The following PTPRC variants were observed in gnomAD, a reference collection of about 807,000 sequenced individuals.
PTPRC encodes the protein receptor-type tyrosine-protein phosphatase C.
PTPRC carries 44 observed loss-of-function variants against 155.9 expected under a neutral mutation model. That is an observed-to-expected ratio of 0.28 (90% CI 0.22 to 0.36). The LOEUF is 0.36. PTPRC is among the 10% of genes least tolerant of loss of function. The pLI is 1.00. For missense variants in PTPRC, 1,401 were observed against 1,564.6 expected (o/e 0.90, Z 1.76); for synonymous variants, 525 against 533.1 (o/e 0.98, Z 0.21).
chr1:198,749,297 A>T (rs368745701), intron 27 of PTPRC, 119 bp from the exon 28 acceptor site: 3 of 978,814 alleles, frequency 3.1e-6, no homozygotes, highest in East Asian at 5.2e-5. Context: ...TTTCATGTAG[A>T]TCAGTAAGTT....
At chr1:198,695,162 T>A (rs1240222573) in intron 3 of PTPRC, 3 of 888,526 alleles carry the variant, frequency 3.4e-6, no homozygotes, top group Non-Finnish European at 4.0e-6. Context: ...AAAGCTGGGT[T>A]TTTTATTTAT....
chr1:198,723,112 C>CATACAT (rs1653970839), intron 15 of PTPRC, among the ~76,000 whole-genome samples: 1 of 144,094 alleles, frequency 6.9e-6, no homozygotes, highest in African/African-American at 2.5e-5. Flanking sequence ...TAGTTTCCTT[C>CATACAT]ATATATATAT....
At chr1:198,658,129 C>T (rs908871938) in intron 2 of PTPRC, among the ~76,000 whole-genome samples, 3 of 152,132 alleles carry the variant, frequency 2.0e-5, no homozygotes, top group Non-Finnish European at 4.4e-5. Flanking sequence ...TTTCTTTCTG[C>T]TTTAAGCACC....
At position 198,639,352 on chromosome 1, in the gene PTPRC, G is replaced by A. The variant is rs564768902; in HGVS notation, c.73+11G>A. 5.1e-6 allele frequency: 8 copies of A among 1,580,250 alleles called. No individual in the cohort carries two copies. The African/African-American group carries it at 1.1e-4, about 21-fold the overall frequency. On this transcript the variant is annotated intron_variant, in intron 2 of 32. Coordinates refer to ENST00000442510, the MANE Select transcript of PTPRC (RefSeq NM_002838.5). ...AAGTATTTGTGACAGGTAAGTACAA[G>A]GATATTAATATTTTTTAAATTATTT...
chr1:198,730,129 T>A (rs59870790), intron 17 of PTPRC, among the ~76,000 whole-genome samples: 5,673 of 152,228 alleles, frequency 0.037, 176 homozygotes, highest in African/African-American at 0.087. Context: ...GGACAAAGTT[T>A]CAGAAATTGA....
chr1:198,668,299 G>A (rs1664439423), intron 2 of PTPRC, among the ~76,000 whole-genome samples: 1 of 152,050 alleles, frequency 6.6e-6, no homozygotes, highest in Non-Finnish European at 1.5e-5. Context: ...TCCTGCCTCA[G>A]CCTCCTGAGT....
At chr1:198,732,266 C>G in intron 18 of PTPRC, 34 bp from the exon 19 acceptor site, 1 of 1,509,682 alleles carries the variant, frequency 6.6e-7, no homozygotes, top group Non-Finnish European at 9.2e-7. Flanking sequence ...TTTCCTGAAT[C>G]TGCTGTGATC....
intron 26 of PTPRC, among the ~76,000 whole-genome samples, chr1:198,744,942 A>G (rs1655072189): frequency 6.6e-6 from 1 of 151,746 alleles, no homozygotes; most frequent in African/African-American, 2.4e-5. Flanking sequence ...AGCATGCAAT[A>G]ATGACCAAGT....
intron 14 of PTPRC, among the ~76,000 whole-genome samples, chr1:198,720,326 A>T (rs1653826925): frequency 6.6e-6 from 1 of 152,066 alleles, no homozygotes; most frequent in Non-Finnish European, 1.5e-5. Flanking sequence ...TAACTTTTTA[A>T]AAAAATTTTA....
intron 25 of PTPRC, among the ~76,000 whole-genome samples, chr1:198,743,474 G>A (rs1026963903): frequency 6.6e-6 from 1 of 151,672 alleles, no homozygotes; most frequent in Admixed American, 6.6e-5. Context: ...TAAAGGTGGC[G>A]GTTAAAGAGG....
intron 2 of PTPRC, chr1:198,680,160 A>T: frequency 2.6e-6 from 1 of 389,174 alleles, no homozygotes; most frequent in East Asian, 3.8e-5. Context: ...ATAGGATTTT[A>T]AAAATATTAT....
chr1:198,655,326 G>A (rs573402028), intron 2 of PTPRC, among the ~76,000 whole-genome samples: 1 of 152,098 alleles, frequency 6.6e-6, no homozygotes, highest in Admixed American at 6.6e-5. Flanking sequence ...ATTAATTTTA[G>A]AGAAGCAAGA....
chr1:198,735,266 T>C lies in PTPRC; in HGVS notation c.2403+14T>C. On this transcript the variant is annotated intron_variant, in intron 23 of 32. Coordinates refer to ENST00000442510, the MANE Select transcript of PTPRC (RefSeq NM_002838.5). ...AACATTGTAAATGTGAGTTTGCTTT[T>C]TACATAATTTTTGTTTTGATACTTT... The C allele has an allele frequency of 6.3e-7, 1 of 1,587,158 alleles. No individual in the cohort carries two copies. Among genetic ancestry groups the C allele is most frequent in the South Asian group, 1.2e-5 (1 of 86,640 alleles).
chr1:198,674,660 A>G (rs969163962), intron 2 of PTPRC, among the ~76,000 whole-genome samples: 1 of 151,658 alleles, frequency 6.6e-6, no homozygotes, highest in Non-Finnish European at 1.5e-5. Flanking sequence ...CAATTTAAAA[A>G]TGAAAGAAAA....
At position 198,639,359 on chromosome 1, in the gene PTPRC, A is replaced by C; in HGVS notation, c.73+18A>C. ...TGTGACAGGTAAGTACAAGGATATT[A>C]ATATTTTTTAAATTATTTTTTCTCT... is the stretch of plus-strand genomic sequence containing the variant. On this transcript the variant is annotated intron_variant, in intron 2 of 32. Coordinates refer to ENST00000442510, the MANE Select transcript of PTPRC (RefSeq NM_002838.5). 1 of 1,551,940 alleles carries C rather than the reference A, an allele frequency of 6.4e-7. No individual in the cohort carries two copies. The highest frequency in any genetic ancestry group is 8.9e-7 in the Non-Finnish European group (1 of 1,129,812).
chr1:198,702,723 C>A (rs1666525713), intron 6 of PTPRC, among the ~76,000 whole-genome samples, 193 bp downstream of exon 6: 1 of 152,108 alleles, frequency 6.6e-6, no homozygotes, highest in African/African-American at 2.4e-5. Flanking sequence ...TTTTATTTTA[C>A]TATTAATATT....
At chr1:198,723,054 G>C (rs1426519516) in intron 15 of PTPRC, among the ~76,000 whole-genome samples, 1 of 150,998 alleles carries the variant, frequency 6.6e-6, no homozygotes, top group Non-Finnish European at 1.5e-5. Flanking sequence ...CCACAATTCT[G>C]TTTGCCAGGC....
At chr1:198,702,895 C>CT (rs1478025360) in intron 6 of PTPRC, among the ~76,000 whole-genome samples, 1 of 152,008 alleles carries the variant, frequency 6.6e-6, no homozygotes, top group African/African-American at 2.4e-5. Flanking sequence ...AATAACACTC[C>CT]TTTTTTAATT....
At chr1:198,686,338 A>C (rs1665623594) in intron 2 of PTPRC, among the ~76,000 whole-genome samples, 1 of 152,172 alleles carries the variant, frequency 6.6e-6, no homozygotes, top group Middle Eastern at 3.2e-3. Flanking sequence ...CTACTGAAAT[A>C]TTACTAAATA....
Sources: gnomAD v4.1 joint callset for allele counts (sites outside exome capture counted in the v4.1 genomes callset) on GRCh38, gnomAD v4.1.1 for gene constraint, MANE v1.5 for transcripts, NCBI Gene and HGNC (gene_info 2026-07-23, HGNC 2026-07-21) for gene names.